Variants in FBXL4 observed in about 807,000 individuals in gnomAD.
FBXL4 encodes F-box/LRR-repeat protein 4.
A neutral mutation model predicts 58.9 loss-of-function variants in FBXL4; 40 were observed. That is an observed-to-expected ratio of 0.68 (90% CI 0.53 to 0.88). FBXL4 has a LOEUF of 0.88. FBXL4 is among the 40% of genes least tolerant of loss of function. The pLI is 0.00. For missense variants in FBXL4, 676 were observed against 734.4 expected (o/e 0.92, Z 0.92); for synonymous variants, 263 against 265.5 (o/e 0.99, Z 0.09).
chr6:98,881,350 T>C (rs1216896059), intron 7 of FBXL4, among the ~76,000 whole-genome samples: 8 of 152,186 alleles, frequency 5.3e-5, no homozygotes, highest in Non-Finnish European at 1.0e-4. Context: ...AAGTCTGCTA[T>C]GAAAAATTGT....
chr6:98,890,405 A>G (rs1771183111), intron 7 of FBXL4, among the ~76,000 whole-genome samples: 1 of 152,232 alleles, frequency 6.6e-6, no homozygotes, highest in Non-Finnish European at 1.5e-5. Context: ...AACACATCAG[A>G]GCACTATCTC....
chr6:98,938,712 C>T (rs1230405212), intron 1 of FBXL4, among the ~76,000 whole-genome samples: 1 of 152,122 alleles, frequency 6.6e-6, no homozygotes, highest in Non-Finnish European at 1.5e-5. Flanking sequence ...AATCCTGGTG[C>T]TTGCTTTACT....
chr6:98,911,872 T>C (rs1772089948), intron 5 of FBXL4, among the ~76,000 whole-genome samples: 1 of 152,138 alleles, frequency 6.6e-6, no homozygotes, highest in Non-Finnish European at 1.5e-5. Flanking sequence ...ACGATCAAAC[T>C]ACTCCGAGCT....
intron 7 of FBXL4, among the ~76,000 whole-genome samples, chr6:98,897,641 T>C (rs1771453957): frequency 1.3e-5 from 2 of 152,124 alleles, no homozygotes; most frequent in South Asian, 2.1e-4. Flanking sequence ...CTCACAGGTA[T>C]GGAGGCTGGG....
At chr6:98,914,152 T>G (rs940680285) in intron 5 of FBXL4, among the ~76,000 whole-genome samples, 8 of 152,042 alleles carry the variant, frequency 5.3e-5, no homozygotes, top group South Asian at 2.1e-4. Context: ...AATAACAGGA[T>G]CTGAAATTGT....
chr6:98,922,084 C>G (rs1045434265), intron 4 of FBXL4, among the ~76,000 whole-genome samples: 4 of 152,152 alleles, frequency 2.6e-5, no homozygotes, highest in African/African-American at 9.7e-5. Flanking sequence ...CCCGCCACCA[C>G]GCCTGGCTAA....
chr6:98,925,866 T>G (rs1057036625), intron 4 of FBXL4, among the ~76,000 whole-genome samples: 37 of 152,174 alleles, frequency 2.4e-4, no homozygotes, highest in Admixed American at 4.6e-4. Flanking sequence ...CCTAGGCACA[T>G]GGAGAACAGG....
chr6:98,921,335 A>G (rs998085445), intron 4 of FBXL4, among the ~76,000 whole-genome samples: 1 of 151,894 alleles, frequency 6.6e-6, no homozygotes, highest in African/African-American at 2.4e-5. Flanking sequence ...TCTAACCTGT[A>G]TTCAGGCTTG....
At chr6:98,910,150 C>T (rs781427702) in intron 5 of FBXL4, among the ~76,000 whole-genome samples, 2 of 152,172 alleles carry the variant, frequency 1.3e-5, no homozygotes, top group South Asian at 2.1e-4. Context: ...TTTAACCACA[C>T]AGTAGTTTTC....
chr6:98,880,598 G>A lies in FBXL4; in HGVS notation c.1344C>T (p.Asn448=), dbSNP rs756448097. The change falls in exon 8 of 10, where the codon AAC becomes AAT. Residue 448 remains asparagine (N), a synonymous_variant. Coordinates refer to ENST00000369244, the MANE Select transcript of FBXL4 (RefSeq NM_001278716.2). ...TGAGGTGCTGAAGCTCTGAACAGAAGTTCAAAATGCTGAGCAGTGCTGTTT... is the reference window on the plus strand; with the variant it reads ...TGAGGTGCTGAAGCTCTGAACAGAAATTCAAAATGCTGAGCAGTGCTGTTT... The part of the protein sequence containing the change: ...VEQTALLSIL[N]FCSELQHLSL... 3 of 1,613,940 alleles carry A rather than the reference G, an allele frequency of 1.9e-6. No individual in the cohort carries two copies. Among genetic ancestry groups the A allele is most frequent in the Non-Finnish European group, 2.5e-6 (3 of 1,179,886 alleles).
intron 8 of FBXL4, among the ~76,000 whole-genome samples, chr6:98,879,089 T>C (rs1448521556): frequency 6.6e-6 from 1 of 152,162 alleles, no homozygotes; most frequent in Non-Finnish European, 1.5e-5. Flanking sequence ...GCCTACTTAG[T>C]CTACACTGCC....
At chr6:98,936,358 C>A (rs1475421339) in intron 1 of FBXL4, among the ~76,000 whole-genome samples, 1 of 152,188 alleles carries the variant, frequency 6.6e-6, no homozygotes. Context: ...TCTGTCACTA[C>A]AAACCAGATT....
intron 7 of FBXL4, chr6:98,898,190 T>G (rs1195382271): frequency 1.7e-6 from 1 of 604,664 alleles, no homozygotes; most frequent in Non-Finnish European, 2.1e-6. Flanking sequence ...CATAATGAGC[T>G]AGACAAACAT....
intron 8 of FBXL4, 65 bp from the exon 9 acceptor site, chr6:98,875,792 G>A: frequency 2.7e-6 from 4 of 1,471,816 alleles, no homozygotes; most frequent in Non-Finnish European, 3.8e-6. Flanking sequence ...TTTAGAGTAA[G>A]TCAGATTCTT....
At chr6:98,941,031 C>T (rs1773412449) in intron 1 of FBXL4, among the ~76,000 whole-genome samples, 1 of 152,138 alleles carries the variant, frequency 6.6e-6, no homozygotes, top group Non-Finnish European at 1.5e-5. Flanking sequence ...AAAGGTCCAT[C>T]CGCCCTTACC....
At chr6:98,942,147 A>G (rs796643125) in intron 1 of FBXL4, among the ~76,000 whole-genome samples, 12 of 152,116 alleles carry the variant, frequency 7.9e-5, no homozygotes, top group African/African-American at 2.9e-4. Context: ...TAGATATGCA[A>G]GTATACTTCC....
intron 6 of FBXL4, among the ~76,000 whole-genome samples, 169 bp downstream of exon 6, chr6:98,905,256 TA>T (rs1282344250): frequency 1.3e-5 from 2 of 152,204 alleles, no homozygotes; most frequent in Non-Finnish European, 2.9e-5. Context: ...GTAAAACACT[TA>T]TTTTTTTATA....
rs778207313 is a variant in FBXL4, at chr6:98,905,596, G to C, written c.933C>G (p.Ser311Arg). The C allele has an allele frequency of 4.3e-6, 7 of 1,612,970 alleles. No individual in the cohort carries two copies. In the South Asian group the frequency reaches 7.7e-5, roughly 18 times the overall value. The stretch of plus-strand genomic sequence containing the variant: ...ATTGCAGAGGATCACAGCAATGCTG[G>C]CTCAGTAGTTTGCAAGTCTGTGCTA... ...CRLAQTCKLL[S>R]QHCCDPLQYI... Residue 311 changes from serine to arginine, a missense_variant, in exon 6 of 10, where the codon AGC becomes AGG. Transcript: ENST00000369244.
intron 7 of FBXL4, among the ~76,000 whole-genome samples, chr6:98,882,811 C>A (rs1770900702): frequency 6.6e-6 from 1 of 151,974 alleles, no homozygotes; most frequent in Non-Finnish European, 1.5e-5. Context: ...GTATAATATT[C>A]CATTATGCAA....
Sources: allele counts gnomAD v4.1 joint callset (sites outside exome capture counted in the v4.1 genomes callset), GRCh38; gene constraint gnomAD v4.1.1; transcripts MANE v1.5; gene names NCBI Gene and HGNC (gene_info 2026-07-23, HGNC 2026-07-21).